SND1: variants seen among roughly 807,000 people sequenced by gnomAD.
SND1 encodes staphylococcal nuclease domain-containing protein 1.
In SND1, 38 loss-of-function variants were observed where a neutral mutation model predicts 121.7. The ratio of observed to expected loss-of-function variants is 0.31; its 90% confidence interval spans 0.24 to 0.41. SND1 has a LOEUF of 0.41. Ranked by LOEUF, SND1 falls within the 10% of genes least tolerant of loss-of-function variation. SND1 has a pLI of 1.00. For missense variants in SND1, 868 were observed against 1,184.6 expected, an observed-to-expected ratio of 0.73 and a Z score of 3.92; for synonymous variants, 401 against 447.4, an observed-to-expected ratio of 0.90 and a Z score of 1.31.
intron 16 of SND1, among the ~76,000 whole-genome samples, chr7:127,996,807 T>C (rs1802670588): frequency 6.6e-6 from 1 of 152,226 alleles, no homozygotes; most frequent in Non-Finnish European, 1.5e-5. Context: ...CATGTTATGG[T>C]CAGCTTTCTA....
At chr7:127,989,732 C>T (rs1433155998) in intron 15 of SND1, among the ~76,000 whole-genome samples, 3 of 152,200 alleles carry the variant, frequency 2.0e-5, no homozygotes, top group African/African-American at 7.2e-5. Flanking sequence ...TCATCATTTT[C>T]GTTTCCTATG....
intron 10 of SND1, among the ~76,000 whole-genome samples, chr7:127,752,080 G>A (rs746753802): frequency 6.6e-6 from 1 of 152,258 alleles, no homozygotes; most frequent in Non-Finnish European, 1.5e-5. Flanking sequence ...GTTGTTAGAT[G>A]TAGCATTTCT....
At chr7:127,955,831 A>T (rs1052127928) in intron 15 of SND1, among the ~76,000 whole-genome samples, 70 of 152,100 alleles carry the variant, frequency 4.6e-4, no homozygotes, top group African/African-American at 1.7e-3. Context: ...CCTGCTTATA[A>T]CTTCTCATCA....
intron 16 of SND1, among the ~76,000 whole-genome samples, chr7:127,996,647 TC>T (rs1802664853): frequency 6.6e-6 from 1 of 152,080 alleles, no homozygotes; most frequent in Non-Finnish European, 1.5e-5. Flanking sequence ...CTCCTGACTC[TC>T]CCTGACGGCC....
At chr7:127,829,621 C>T (rs1255678409) in intron 11 of SND1, among the ~76,000 whole-genome samples, 2 of 152,172 alleles carry the variant, frequency 1.3e-5, no homozygotes, top group African/African-American at 2.4e-5. Flanking sequence ...TGGTTCTCAG[C>T]ATACTTTCTC....
At chr7:127,743,422 C>T (rs1421042789) in intron 10 of SND1, among the ~76,000 whole-genome samples, 2 of 152,200 alleles carry the variant, frequency 1.3e-5, no homozygotes, top group African/African-American at 4.8e-5. Flanking sequence ...TTTACTGTCA[C>T]TGCTCTGATG....
intron 10 of SND1, among the ~76,000 whole-genome samples, chr7:127,747,292 A>G (rs987182299): frequency 3.9e-5 from 6 of 152,222 alleles, no homozygotes; most frequent in Non-Finnish European, 7.3e-5. Flanking sequence ...TTGGATATAA[A>G]TAGCACATGT....
rs1237832001 is a variant in SND1, at chr7:127,703,171, A to G, written c.688A>G (p.Thr230Ala). ...TACCTTGCCTTTGCTTTAGTGCCCA[A>G]CTTTTCGACGGGAAGCAGATGGCAG... is the stretch of plus-strand genomic sequence containing the variant. ...TVMLSGIKCP[T>A]FRREADGSET... Residue 230 changes from threonine to alanine, a missense_variant, in exon 7 of 24, where the codon ACT becomes GCT. Physicochemically the swap from Thr to Ala is moderately conservative, Grantham distance 58. Coordinates refer to ENST00000354725, the MANE Select transcript of SND1 (RefSeq NM_014390.4). The G allele has an allele frequency of 5.0e-6, 8 of 1,614,082 alleles. No homozygotes were observed. The South Asian group carries it at 5.5e-5, about 11-fold the overall frequency.
intron 21 of SND1, 126 bp downstream of exon 21, chr7:128,087,177 G>C: frequency 1.4e-6 from 1 of 716,766 alleles, no homozygotes; most frequent in Non-Finnish European, 2.3e-6. Context: ...GTACTCAAGA[G>C]ATGGGAAGTT....
intron 16 of SND1, among the ~76,000 whole-genome samples, chr7:127,991,912 A>T (rs116951421): frequency 6.6e-6 from 1 of 152,308 alleles, no homozygotes; most frequent in Non-Finnish European, 1.5e-5. Context: ...ATTGCTAAGA[A>T]ATACATGAGG....
intron 16 of SND1, among the ~76,000 whole-genome samples, chr7:128,020,395 C>T (rs992967900): frequency 4.6e-5 from 7 of 152,168 alleles, no homozygotes; most frequent in Admixed American, 4.6e-4. Flanking sequence ...GTGGCCCTGC[C>T]GGCGCTCAGC....
intron 12 of SND1, among the ~76,000 whole-genome samples, chr7:127,854,538 C>CTATTTATTTATTTATTTATT: frequency 6.9e-6 from 1 of 145,436 alleles, no homozygotes; most frequent in South Asian, 2.2e-4. Context: ...TACTAGCATT[C>CTATTTATTTATTTATTTATT]TATTTATTTA....
intron 15 of SND1, among the ~76,000 whole-genome samples, chr7:127,984,276 T>G (rs1051650364): frequency 6.6e-6 from 1 of 152,240 alleles, no homozygotes; most frequent in African/African-American, 2.4e-5. Flanking sequence ...TGGTCAGTGT[T>G]GACCACTTCA....
chr7:127,938,991 G>A (rs917706934), intron 15 of SND1, among the ~76,000 whole-genome samples: 11 of 152,166 alleles, frequency 7.2e-5, no homozygotes, highest in Admixed American at 3.3e-4. Context: ...AGTAAAGAAT[G>A]TATTGACATG....
rs185006995 is a variant in SND1, at chr7:127,663,412, G to A, written c.78+10961G>A. ...TTTTGAGATGGAGTCTCGCTCTGTC[G>A]CCAGGCTGGTGTGCAGTGGCACAAT... On this transcript the variant is annotated intron_variant, in intron 1 of 23. Coordinates refer to ENST00000354725, the MANE Select transcript of SND1 (RefSeq NM_014390.4). Among the ~76,000 whole-genome samples the A allele has an allele frequency of 5.9e-3, 871 of 148,458 alleles. 15 individuals are homozygous for A. The highest frequency in any genetic ancestry group is 0.021 in the African/African-American group (828 of 40,228).
chr7:127,757,395 G>C (rs1207071113), intron 10 of SND1, among the ~76,000 whole-genome samples: 4 of 152,164 alleles, frequency 2.6e-5, no homozygotes, highest in Non-Finnish European at 5.9e-5. Context: ...TCTTGTGTCT[G>C]CCTTTTGGTG....
chr7:127,986,128 T>C (rs1223518267), intron 15 of SND1, among the ~76,000 whole-genome samples: 1 of 152,102 alleles, frequency 6.6e-6, no homozygotes, highest in Non-Finnish European at 1.5e-5. Context: ...CGAAAAAGAG[T>C]GTAAAATACT....
At chr7:128,071,756 G>A (rs1303280995) in intron 16 of SND1, among the ~76,000 whole-genome samples, 4 of 152,194 alleles carry the variant, frequency 2.6e-5, no homozygotes, top group African/African-American at 7.2e-5. Flanking sequence ...CCTTCCCCGA[G>A]TGCCTTTGTT....
chr7:127,841,095 T>A (rs1798957042), intron 11 of SND1, among the ~76,000 whole-genome samples: 1 of 152,166 alleles, frequency 6.6e-6, no homozygotes, highest in Admixed American at 6.5e-5. Context: ...TTCCTCCTAT[T>A]ATTACTCCCA....
Sources: gnomAD v4.1 joint callset for allele counts (sites outside exome capture counted in the v4.1 genomes callset) on GRCh38, gnomAD v4.1.1 for gene constraint, MANE v1.5 for transcripts, NCBI Gene and HGNC (gene_info 2026-07-23, HGNC 2026-07-21) for gene names.